NBAS: variants seen among roughly 807,000 people sequenced by gnomAD.
The protein encoded by NBAS is NAG/BC035112 fusion.
Under a neutral mutation model 302.5 loss-of-function variants are expected in NBAS, and 219 were observed. The observed-to-expected ratio is 0.72, with a 90% confidence interval of 0.65 to 0.81. The LOEUF is 0.81. Ranked by LOEUF, NBAS falls within the 30% of genes least tolerant of loss-of-function variation. The probability of loss-of-function intolerance (pLI) is 0.00; values close to 1 mark genes in which losing one functional copy is unlikely to be tolerated. For synonymous variants in NBAS, 1,118 were observed against 1,021.6 expected, an observed-to-expected ratio of 1.09 and a Z score of -1.80; for missense variants, 2,932 against 2,841.6, an observed-to-expected ratio of 1.03 and a Z score of -0.72.
intron 12 of NBAS, among the ~76,000 whole-genome samples, chr2:15,487,790 C>A (rs960480660): frequency 1.3e-5 from 2 of 152,126 alleles, no homozygotes; most frequent in Non-Finnish European, 2.9e-5. Flanking sequence ...TTTTATTTAG[C>A]CACCAAGGTT....
the NBAS span, among the ~76,000 whole-genome samples, chr2:15,093,015 G>T: frequency 6.6e-6 from 1 of 152,204 alleles, no homozygotes. Context: ...CCTGCAGGGT[G>T]TCTGTCCCTG....
intron 11 of NBAS, among the ~76,000 whole-genome samples, chr2:15,502,708 G>A (rs954233431): frequency 6.6e-6 from 1 of 152,250 alleles, no homozygotes; most frequent in African/African-American, 2.4e-5. Flanking sequence ...GAGTGTGCGA[G>A]TGAGTGGCAA....
the NBAS span, among the ~76,000 whole-genome samples, chr2:14,938,505 A>C: frequency 6.6e-6 from 1 of 152,270 alleles, no homozygotes; most frequent in East Asian, 1.9e-4. Context: ...GTGTAATAAC[A>C]GATATAAATA....
chr2:15,422,074 T>C (rs977904486), intron 23 of NBAS, among the ~76,000 whole-genome samples: 1 of 152,154 alleles, frequency 6.6e-6, no homozygotes, highest in African/African-American at 2.4e-5. Context: ...CATTATGGTA[T>C]CCAATGAAGA....
intron 31 of NBAS, among the ~76,000 whole-genome samples, chr2:15,371,398 T>C (rs1674479041): frequency 6.6e-6 from 1 of 152,030 alleles, no homozygotes; most frequent in Non-Finnish European, 1.5e-5. Flanking sequence ...ATATAAAGCA[T>C]ATTTGGAACA....
rs751219798 is a variant in NBAS, at chr2:15,327,738, C to T, written c.4582+12G>A. On this transcript the variant is annotated intron_variant, in intron 38 of 51. Transcript: ENST00000281513. ...TTACACACTGTCAAGGGACTAGAAC[C>T]TTCTCTCTTACCTTCAGTTGTTGGA... The T allele has an allele frequency of 5.6e-6, 9 of 1,613,436 alleles. No homozygotes were observed. The South Asian group carries it at 9.9e-5, about 18-fold the overall frequency.
At chr2:15,418,428 A>T (rs1249805317) in intron 23 of NBAS, among the ~76,000 whole-genome samples, 1 of 152,138 alleles carries the variant, frequency 6.6e-6, no homozygotes, top group Non-Finnish European at 1.5e-5. Context: ...TTACTCTCCT[A>T]TTCCCAATTA....
the NBAS span, among the ~76,000 whole-genome samples, chr2:15,011,412 T>C: frequency 6.6e-6 from 1 of 152,134 alleles, no homozygotes. Flanking sequence ...ACCTCTTTTT[T>C]AAAAATCAGA....
the NBAS span, among the ~76,000 whole-genome samples, chr2:14,809,316 G>C: frequency 6.6e-6 from 1 of 152,144 alleles, no homozygotes; most frequent in Non-Finnish European, 1.5e-5. Context: ...TGGAGACATA[G>C]AAGGAAAAAA....
chr2:15,119,940 C>A, the NBAS span, among the ~76,000 whole-genome samples: 1 of 152,160 alleles, frequency 6.6e-6, no homozygotes, highest in Admixed American at 6.5e-5. Flanking sequence ...AAGTGGCCCA[C>A]CTGCAACAGG....
At chr2:14,835,117 T>C in the NBAS span, among the ~76,000 whole-genome samples, 1 of 152,004 alleles carries the variant, frequency 6.6e-6, no homozygotes, top group South Asian at 2.1e-4. Context: ...ACCAAGTCAA[T>C]GATGGTAGCA....
chr2:15,310,906 G>C (rs1158972597), intron 38 of NBAS, among the ~76,000 whole-genome samples: 3 of 152,154 alleles, frequency 2.0e-5, no homozygotes, highest in Non-Finnish European at 4.4e-5. Context: ...GCATGTTTTA[G>C]AACAACAACT....
chr2:15,403,483 C>A (rs1040081369), intron 25 of NBAS, among the ~76,000 whole-genome samples: 2 of 151,994 alleles, frequency 1.3e-5, no homozygotes, highest in African/African-American at 4.8e-5. Flanking sequence ...TGTCATTATT[C>A]CCTAAACAAT....
At chr2:15,065,341 A>T in the NBAS span, among the ~76,000 whole-genome samples, 2 of 152,146 alleles carry the variant, frequency 1.3e-5, no homozygotes, top group Non-Finnish European at 2.9e-5. Flanking sequence ...GACCAGAAAC[A>T]AAACAAGGAT....
the NBAS span, among the ~76,000 whole-genome samples, chr2:15,032,297 G>A: frequency 4.3e-3 from 659 of 152,338 alleles, 7 homozygotes; most frequent in African/African-American, 0.015. Flanking sequence ...AGAATAAGCT[G>A]AGACTGTTAT....
rs1022369149 is a variant in NBAS, at chr2:15,552,779, G to A, written c.335+647C>T. On this transcript the variant is annotated intron_variant, in intron 5 of 51. Transcript: ENST00000281513. ...CCATCTACAGTTTTGTACCAACAGA[G>A]AAAAAGCATACCTATTTTTTTTTTT... Among the ~76,000 whole-genome samples the A allele has an allele frequency of 3.4e-5, 5 of 148,744 alleles. No individual in the cohort carries two copies. In the East Asian group the frequency reaches 9.8e-4, roughly 29 times the overall value.
At chr2:15,475,279 G>C (rs927875357) in intron 14 of NBAS, among the ~76,000 whole-genome samples, 68 of 152,180 alleles carry the variant, frequency 4.5e-4, no homozygotes, top group African/African-American at 1.6e-3. Flanking sequence ...TACAGAACTA[G>C]CCTCTATTTT....
At chr2:15,517,754 C>T (rs890687381) in intron 9 of NBAS, among the ~76,000 whole-genome samples, 3 of 152,180 alleles carry the variant, frequency 2.0e-5, no homozygotes, top group Admixed American at 2.0e-4. Flanking sequence ...CCAAAACATG[C>T]TGGCAACACA....
chr2:15,043,276 T>C, the NBAS span, among the ~76,000 whole-genome samples: 3 of 152,132 alleles, frequency 2.0e-5, no homozygotes, highest in African/African-American at 7.2e-5. Flanking sequence ...TCCCTGTGCG[T>C]CTTGGACCCC....
Sources: gnomAD v4.1 joint callset for allele counts (sites outside exome capture counted in the v4.1 genomes callset) on GRCh38, gnomAD v4.1.1 for gene constraint, MANE v1.5 for transcripts, NCBI Gene and HGNC (gene_info 2026-07-23, HGNC 2026-07-21) for gene names.